The following CSMD1 variants were observed in gnomAD, a reference collection of about 807,000 sequenced individuals.
CSMD1 encodes CUB and sushi domain-containing protein 1.
Under a neutral mutation model 417.5 loss-of-function variants are expected in CSMD1, and 213 were observed. That is an observed-to-expected ratio of 0.51 (90% CI 0.46 to 0.57). The LOEUF is 0.57. Among genes scored for constraint, CSMD1 ranks in the 20% least tolerant of loss-of-function variants. The pLI, the probability that CSMD1 is intolerant of heterozygous loss-of-function variation, is 0.00. For synonymous variants in CSMD1, 2,862 were observed against 1,736.8 expected (o/e 1.65, Z -16.11); for missense variants, 6,923 against 4,529.7 (o/e 1.53, Z -15.17).
rs138875641 is a variant in CSMD1 at position 3,339,582 on chromosome 8, G to A, written c.3631+3712C>T. The stretch of plus-strand genomic sequence containing the variant: ...AATTGACGAAGCTGGTCCATGTACC[G>A]GAAACCCTATGTCAATATCAATAAA... On this transcript the variant is annotated intron_variant, in intron 23 of 69. Transcript: ENST00000635120. 6.5e-3 allele frequency among the ~76,000 whole-genome samples: 996 copies of A among 152,186 alleles called. 12 individuals are homozygous for A. The highest frequency in any genetic ancestry group is 0.023 in the African/African-American group (950 of 41,516).
At chr8:4,729,151 A>G (rs1001038858) in intron 1 of CSMD1, among the ~76,000 whole-genome samples, 2 of 152,236 alleles carry the variant, frequency 1.3e-5, no homozygotes, top group African/African-American at 4.8e-5. Context: ...ACACAAGGAC[A>G]GGCTAATGAG....
intron 2 of CSMD1, among the ~76,000 whole-genome samples, chr8:4,489,192 G>T (rs1181285058): frequency 1.3e-5 from 2 of 152,292 alleles, no homozygotes; most frequent in Non-Finnish European, 2.9e-5. Context: ...GATAACAGGC[G>T]TGACACACTG....
chr8:3,343,231 C>T, intron 23 of CSMD1, 63 bp downstream of exon 23: 1 of 1,400,226 alleles, frequency 7.1e-7, no homozygotes, highest in Non-Finnish European at 1.0e-6. Context: ...TTAATATAAG[C>T]CAAGTATCAG....
At chr8:4,581,295 A>C (rs1195918402) in intron 2 of CSMD1, among the ~76,000 whole-genome samples, 1 of 152,230 alleles carries the variant, frequency 6.6e-6, no homozygotes, top group Non-Finnish European at 1.5e-5. Context: ...AACAAGACAC[A>C]TGCAGAGGAA....
rs959648357 is a variant in CSMD1 at position 3,835,133 on chromosome 8, G to C, written c.819-81091C>G. Reference sequence around the variant, plus strand: ...ACACTGTTGGTGGGACTGTAAACTAGTCCAACCATTGTGGAAGTCAGTGTG... The same window carrying C: ...ACACTGTTGGTGGGACTGTAAACTACTCCAACCATTGTGGAAGTCAGTGTG... On this transcript the variant is annotated intron_variant, in intron 5 of 69. Coordinates refer to ENST00000635120, the MANE Select transcript of CSMD1 (RefSeq NM_033225.6). 7.8e-4 allele frequency among the ~76,000 whole-genome samples: 115 copies of C among 147,092 alleles called. 1 individual carries two copies. Among genetic ancestry groups the C allele is most frequent in the Non-Finnish European group, 1.0e-4 (7 of 67,106 alleles).
At chr8:3,068,463 T>C (rs1813094021) in intron 49 of CSMD1, among the ~76,000 whole-genome samples, 1 of 152,202 alleles carries the variant, frequency 6.6e-6, no homozygotes, top group Admixed American at 6.5e-5. Flanking sequence ...AATGACATAA[T>C]ATTAATAAAT....
chr8:4,850,170 A>C (rs937090941), intron 1 of CSMD1, among the ~76,000 whole-genome samples: 1 of 152,124 alleles, frequency 6.6e-6, no homozygotes, highest in South Asian at 2.1e-4. Context: ...GGTATTTGTA[A>C]AATGTATATG....
chr8:4,682,836 G>C (rs1158508422), intron 1 of CSMD1, among the ~76,000 whole-genome samples: 1 of 150,632 alleles, frequency 6.6e-6, no homozygotes, highest in Non-Finnish European at 1.5e-5. Context: ...TAAATACACT[G>C]AAATGTTTTT....
At chr8:4,244,039 CTT>C (rs779278516) in intron 3 of CSMD1, among the ~76,000 whole-genome samples, 19 of 152,300 alleles carry the variant, frequency 1.2e-4, no homozygotes, top group African/African-American at 2.6e-4. Context: ...GCTGCAGGCT[CTT>C]TGTTTTTATG....
At chr8:4,468,412 G>C (rs544472509) in intron 2 of CSMD1, among the ~76,000 whole-genome samples, 1 of 152,196 alleles carries the variant, frequency 6.6e-6, no homozygotes, top group Non-Finnish European at 1.5e-5. Context: ...TAGCAGGGTA[G>C]ACAACACCTA....
chr8:4,513,172 G>C (rs76610666), intron 2 of CSMD1, among the ~76,000 whole-genome samples: 4 of 152,170 alleles, frequency 2.6e-5, no homozygotes, highest in African/African-American at 9.7e-5. Flanking sequence ...ATATGTCAAA[G>C]TAGGTTCATT....
intron 3 of CSMD1, among the ~76,000 whole-genome samples, chr8:4,120,688 A>G (rs1802437751): frequency 6.6e-6 from 1 of 152,232 alleles, no homozygotes; most frequent in Non-Finnish European, 1.5e-5. Flanking sequence ...GTAAGTTTAG[A>G]TGCCAAATAC....
chr8:4,357,820 T>C (rs1228705405), intron 3 of CSMD1, among the ~76,000 whole-genome samples: 1 of 152,110 alleles, frequency 6.6e-6, no homozygotes. Flanking sequence ...CAAAATAGTA[T>C]TACAAAATTT....
chr8:3,716,865 G>C (rs28520263), intron 6 of CSMD1, among the ~76,000 whole-genome samples: 5,931 of 152,140 alleles, frequency 0.039, 380 homozygotes, highest in African/African-American at 0.14. Flanking sequence ...GAATTATCAA[G>C]AGTAATAGTT....
intron 1 of CSMD1, among the ~76,000 whole-genome samples, chr8:4,878,515 A>T (rs1327975401): frequency 1.3e-5 from 2 of 151,822 alleles, no homozygotes; most frequent in African/African-American, 4.8e-5. Context: ...GATGATTTTT[A>T]TTATTATTCA....
At chr8:3,415,603 C>A (rs530989746) in intron 12 of CSMD1, among the ~76,000 whole-genome samples, 2 of 152,158 alleles carry the variant, frequency 1.3e-5, no homozygotes, top group Non-Finnish European at 2.9e-5. Flanking sequence ...AAGTGATCTG[C>A]CCTCCTCTAG....
At chr8:4,651,225 A>C (rs1803873370) in intron 1 of CSMD1, among the ~76,000 whole-genome samples, 1 of 152,240 alleles carries the variant, frequency 6.6e-6, no homozygotes, top group Non-Finnish European at 1.5e-5. Flanking sequence ...AATATTAAAT[A>C]CCTGGCAAAC....
chr8:3,440,864 A>G (rs894067087), intron 12 of CSMD1, among the ~76,000 whole-genome samples: 2 of 152,186 alleles, frequency 1.3e-5, no homozygotes, highest in Admixed American at 6.5e-5. Flanking sequence ...GTTGTCATGA[A>G]CAGACGTTAC....
intron 25 of CSMD1, among the ~76,000 whole-genome samples, chr8:3,307,342 G>C (rs999515197): frequency 6.6e-6 from 1 of 151,982 alleles, no homozygotes; most frequent in Admixed American, 6.6e-5. Context: ...CCTAAGGAAG[G>C]TCATCCTGGA....
Sources: allele counts gnomAD v4.1 joint callset (sites outside exome capture counted in the v4.1 genomes callset), GRCh38; gene constraint gnomAD v4.1.1; transcripts MANE v1.5; gene names NCBI Gene and HGNC (gene_info 2026-07-23, HGNC 2026-07-21).